Variants in UBE4B observed in about 807,000 individuals in gnomAD.
The protein encoded by UBE4B is ubiquitination factor E4B.
In UBE4B, 27 loss-of-function variants were observed where a neutral mutation model predicts 148.1. The observed-to-expected ratio is 0.18, with a 90% CI of 0.13 to 0.25. The LOEUF (loss-of-function observed/expected upper bound fraction) is 0.25, where lower values mean the gene tolerates loss of function less well. Among genes scored for constraint, UBE4B ranks in the 10% least tolerant of loss-of-function variants. The pLI, the probability that UBE4B is intolerant of heterozygous loss-of-function variation, is 1.00. For missense variants in UBE4B, 1,170 were observed against 1,662.4 expected, an observed-to-expected ratio of 0.70 and a Z score of 5.15; for synonymous variants, 596 against 619.3, an observed-to-expected ratio of 0.96 and a Z score of 0.56.
At chr1:10,080,842 C>T (rs865937940) in intron 2 of UBE4B, among the ~76,000 whole-genome samples, 5 of 152,030 alleles carry the variant, frequency 3.3e-5, no homozygotes, top group Non-Finnish European at 5.9e-5. Context: ...TTCACTCATA[C>T]GTGGGAGCTT....
intron 1 of UBE4B, among the ~76,000 whole-genome samples, chr1:10,050,287 G>T (rs1644008439): frequency 6.6e-6 from 1 of 152,220 alleles, no homozygotes; most frequent in African/African-American, 2.4e-5. Context: ...GGTCAGGCTG[G>T]TCTTGAACTC....
chr1:10,056,765 G>C (rs1013123334), intron 1 of UBE4B, among the ~76,000 whole-genome samples: 2 of 152,230 alleles, frequency 1.3e-5, no homozygotes, highest in East Asian at 3.9e-4. Context: ...ATGGGGCCTG[G>C]GGTAGCACTT....
At chr1:10,052,961 G>A (rs1644080390) in intron 1 of UBE4B, among the ~76,000 whole-genome samples, 1 of 152,088 alleles carries the variant, frequency 6.6e-6, no homozygotes, top group African/African-American at 2.4e-5. Flanking sequence ...TTGGAGGAAG[G>A]AGCAAAGGAG....
chr1:10,038,170 C>T (rs764942589), intron 1 of UBE4B, among the ~76,000 whole-genome samples: 2 of 151,604 alleles, frequency 1.3e-5, no homozygotes, highest in Admixed American at 6.6e-5. Flanking sequence ...ATCCGAGGTA[C>T]TCAGGAGGCT....
At chr1:10,174,392 CAAA>C (rs796969203) in intron 25 of UBE4B, among the ~76,000 whole-genome samples, 6 of 109,990 alleles carry the variant, frequency 5.5e-5, no homozygotes, top group Admixed American at 2.9e-4. Flanking sequence ...GACTCCATAT[CAAA>C]AAAAAAAAAA....
chr1:10,152,210 G>A (rs1463275075), intron 21 of UBE4B, among the ~76,000 whole-genome samples: 1 of 151,380 alleles, frequency 6.6e-6, no homozygotes, highest in East Asian at 1.9e-4. Context: ...AGTGAGCCGA[G>A]ATCCCGCCAC....
chr1:10,048,717 G>A (rs1292671744), intron 1 of UBE4B, among the ~76,000 whole-genome samples: 1 of 152,152 alleles, frequency 6.6e-6, no homozygotes, highest in Non-Finnish European at 1.5e-5. Flanking sequence ...GGAGGCCCTT[G>A]GTTACCTTGA....
intron 1 of UBE4B, among the ~76,000 whole-genome samples, chr1:10,071,090 A>G (rs1325814453): frequency 6.6e-6 from 1 of 152,092 alleles, no homozygotes; most frequent in African/African-American, 2.4e-5. Context: ...TATTTTTAGT[A>G]GAGACAGGAT....
intron 26 of UBE4B, chr1:10,179,184 C>T: frequency 1.8e-6 from 1 of 559,316 alleles, no homozygotes; most frequent in Non-Finnish European, 3.1e-6. Context: ...CCCAGGCTTT[C>T]TTCTCTGTTC....
intron 25 of UBE4B, among the ~76,000 whole-genome samples, chr1:10,172,736 A>G (rs1468948901): frequency 6.6e-6 from 1 of 152,166 alleles, no homozygotes; most frequent in Admixed American, 6.6e-5. Context: ...TATAACTCAC[A>G]TATGTAGGTG....
rs752799998 is a variant in UBE4B, at chr1:10,178,700, G to T, written c.3582G>T (p.Gly1194=). 1 of 1,613,786 alleles carries T rather than the reference G, an allele frequency of 6.2e-7. No homozygotes were observed. Among genetic ancestry groups the T allele is most frequent in the Non-Finnish European group, 8.5e-7 (1 of 1,179,988 alleles). Residue 1194 remains glycine (G), a synonymous_variant, in exon 26 of 28, where the codon GGG becomes GGT. Transcript: ENST00000343090. The stretch of plus-strand genomic sequence containing the variant: ...TTATTTCAAAGATGCGGAAGGCAGG[G>T]ATCAAATCCACAATAGCAATAGAAA... ...EEVISKMRKA[G]IKSTIAIEKF...
intron 5 of UBE4B, among the ~76,000 whole-genome samples, chr1:10,103,399 CTTTATTTATTTA>C (rs149354050): frequency 0.041 from 5,498 of 135,486 alleles, 161 homozygotes; most frequent in African/African-American, 0.07. Flanking sequence ...ATTACCTCCT[CTTTATTTATTTA>C]TTTATTTATT....
intron 1 of UBE4B, among the ~76,000 whole-genome samples, chr1:10,038,822 C>T (rs1008219990): frequency 6.6e-6 from 1 of 152,066 alleles, no homozygotes; most frequent in Non-Finnish European, 1.5e-5. Flanking sequence ...TGGGGCCGGG[C>T]GCGGTGGCTC....
rs538223051 is a variant in UBE4B at position 10,148,263 on chromosome 1, G to A, written c.2592-921G>A. On this transcript the variant is annotated intron_variant, in intron 19 of 27. Coordinates refer to ENST00000343090, the MANE Select transcript of UBE4B (RefSeq NM_001105562.3). ...AAATGTGTGTAGCTCTGTTGTTTCC[G>A]TTTGAGTTGCACAAAATGACCAAAT... Among the ~76,000 whole-genome samples the A allele has an allele frequency of 7.9e-5, 12 of 151,412 alleles. No individual in the cohort carries two copies. The South Asian group carries it at 8.3e-4, about 11-fold the overall frequency.
Position 10,106,603 on chromosome 1 carries a change from G to A in UBE4B, c.1196+20G>A, listed in dbSNP as rs761876977. The A allele has an allele frequency of 6.6e-7, 1 of 1,512,690 alleles. No individual in the cohort carries two copies. The highest frequency in any genetic ancestry group is 2.2e-5 in the Admixed American group (1 of 45,270). The allele number at this position is 1,512,690 out of a possible 1,614,324, so 93.7% of individuals were successfully genotyped here. On this transcript the variant is annotated intron_variant, in intron 7 of 27. Coordinates refer to ENST00000343090, the MANE Select transcript of UBE4B (RefSeq NM_001105562.3). The surrounding 1 kb of genome is among the most constrained non-coding windows in gnomAD (Gnocchi z 4.2). The stretch of plus-strand genomic sequence containing the variant: ...TCCTAGGTATTTATCCCACAGGAGA[G>A]TTGCATGTGTGTTTGCGGTGCAGGG...
chr1:10,176,979 G>A (rs926943870), intron 25 of UBE4B, among the ~76,000 whole-genome samples: 4 of 150,124 alleles, frequency 2.7e-5, no homozygotes, highest in Non-Finnish European at 5.9e-5. Context: ...AGTAGAGACG[G>A]GGTTTCACCA....
intron 7 of UBE4B, among the ~76,000 whole-genome samples, chr1:10,114,054 G>C (rs1415331943): frequency 8.0e-6 from 1 of 125,596 alleles, no homozygotes; most frequent in Non-Finnish European, 1.6e-5. Context: ...GACAGAGCGA[G>C]ACTCCGTCTC....
At chr1:10,042,228 T>C (rs1291167586) in intron 1 of UBE4B, among the ~76,000 whole-genome samples, 1 of 152,192 alleles carries the variant, frequency 6.6e-6, no homozygotes, top group Non-Finnish European at 1.5e-5. Flanking sequence ...ACGGCACTTG[T>C]AGTATCTAGT....
chr1:10,174,899 GT>G (rs912779222), intron 25 of UBE4B, among the ~76,000 whole-genome samples: 1 of 152,070 alleles, frequency 6.6e-6, no homozygotes, highest in African/African-American at 2.4e-5. Flanking sequence ...TGGGGAAGAG[GT>G]TGTAAAATTG....
Sources: gnomAD v4.1 joint callset for allele counts (sites outside exome capture counted in the v4.1 genomes callset) on GRCh38, gnomAD v4.1.1 for gene constraint, Gnocchi (gnomAD v3.1) non-coding constraint, MANE v1.5 for transcripts, NCBI Gene and HGNC (gene_info 2026-07-23, HGNC 2026-07-21) for gene names.